Variants in MPP2 observed in about 807,000 individuals in gnomAD.
MPP2 encodes the protein MAGUK p55 subfamily member 2.
MPP2 carries 42 observed loss-of-function variants against 58.5 expected under a neutral mutation model. The ratio of observed to expected loss-of-function variants is 0.72; its 90% confidence interval spans 0.56 to 0.93. MPP2 has a LOEUF of 0.93. Ranked by LOEUF, MPP2 falls within the 40% of genes least tolerant of loss-of-function variation. The pLI is 0.00. For synonymous variants in MPP2, 300 were observed against 307.8 expected, an observed-to-expected ratio of 0.97 and a Z score of 0.26; for missense variants, 632 against 760.4, an observed-to-expected ratio of 0.83 and a Z score of 1.99.
upstream of MPP2, chr17:43,907,588 G>C (rs1312627438): frequency 1.5e-5 from 15 of 985,418 alleles, no homozygotes; most frequent in Non-Finnish European, 1.7e-5. Flanking sequence ...CTCCGCGAGG[G>C]GGCGGAGGTC....
intron 3 of MPP2, among the ~76,000 whole-genome samples, chr17:43,888,122 G>A (rs2047448933): frequency 6.6e-6 from 1 of 152,206 alleles, no homozygotes; most frequent in African/African-American, 2.4e-5. Flanking sequence ...TAAGACTGCT[G>A]TGAGGATTTG....
chr17:43,883,949 A>T, intron 3 of MPP2: 1 of 574,860 alleles, frequency 1.7e-6, no homozygotes, highest in South Asian at 2.4e-5. Context: ...ATCCTTCGCC[A>T]GTGACCAGCC....
chr17:43,907,793 T>A (rs2048352274), upstream of MPP2: 1 of 985,276 alleles, frequency 1.0e-6, no homozygotes, highest in Non-Finnish European at 1.2e-6. Context: ...GCCCCTCGGC[T>A]CCCAAGGATC....
At chr17:43,899,959 T>A (rs1367932578) in intron 2 of MPP2, among the ~76,000 whole-genome samples, 1 of 152,104 alleles carries the variant, frequency 6.6e-6, no homozygotes, top group African/African-American at 2.4e-5. Flanking sequence ...TGCATAACAG[T>A]ACCCAAGCCA....
At position 43,882,293 on chromosome 17, in the gene MPP2, C is replaced by A; in HGVS notation, c.672G>T (p.Leu224=). 6.2e-7 allele frequency: 1 copy of A among 1,610,266 alleles called. No homozygotes were observed. Among genetic ancestry groups the A allele is most frequent in the South Asian group, 1.1e-5 (1 of 91,060 alleles). ...KILPSYQEPH[L]PRQVFVKCHF... ...TGGGTGAGGGGCCCACCTGGCGGGG[C>A]AGATGGGGCTCCTGGTAGCTGGGCA... Residue 224 remains leucine (L), a synonymous_variant, in exon 6 of 13, where the codon CTG becomes CTT. Transcript: ENST00000269095.
chr17:43,885,122 CAAAAA>C (rs540949072), intron 3 of MPP2, among the ~76,000 whole-genome samples: 2 of 60,514 alleles, frequency 3.3e-5, no homozygotes, highest in Admixed American at 1.7e-4. Flanking sequence ...AACTCCAGCT[CAAAAA>C]AAAAAAAAAA....
intron 3 of MPP2, among the ~76,000 whole-genome samples, chr17:43,894,418 AATATAT>A (rs1382579250): frequency 3.9e-5 from 3 of 77,394 alleles, no homozygotes. Context: ...TCCATCTCAA[AATATAT>A]ATATATATAT....
intron 3 of MPP2, among the ~76,000 whole-genome samples, chr17:43,894,226 G>A (rs925461213): frequency 4.6e-5 from 7 of 151,670 alleles, no homozygotes; most frequent in African/African-American, 1.7e-4. Flanking sequence ...AGACCATCCT[G>A]GCCAACATGG....
At chr17:43,900,598 C>A (rs1261030454) in intron 2 of MPP2, 1 of 1,492,484 alleles carries the variant, frequency 6.7e-7, no homozygotes. Flanking sequence ...TACACGCCGC[C>A]GTCTACCGCC....
chr17:43,889,742 C>T (rs1441617350), intron 3 of MPP2, among the ~76,000 whole-genome samples: 2 of 150,860 alleles, frequency 1.3e-5, no homozygotes, highest in African/African-American at 4.9e-5. Flanking sequence ...ATGTATTCTA[C>T]ATACTTCTGA....
In MPP2 at chr17:43,879,267, G is replaced by A. The variant is rs2046988387; in HGVS notation, c.1482+8C>T. On this transcript the variant is annotated splice_region_variant and intron_variant, in intron 12 of 12. Coordinates refer to ENST00000269095, the MANE Select transcript of MPP2 (RefSeq NM_005374.5). This position sits in a 1 kb window ranked among gnomAD's most constrained non-coding sequence, Gnocchi z 4.1. ...TCAGACCCCTCCCCCACACCTCAGAGCCCTCACCGTGAGCTGCTTGGTGGA... is the reference window on the plus strand; with the variant it reads ...TCAGACCCCTCCCCCACACCTCAGAACCCTCACCGTGAGCTGCTTGGTGGA... 1.2e-6 allele frequency: 2 copies of A among 1,606,668 alleles called. No individual in the cohort carries two copies. Among genetic ancestry groups the A allele is most frequent in the Admixed American group, 1.7e-5 (1 of 59,796 alleles).
rs2143529578 is a variant in MPP2 at position 43,880,092 on chromosome 17, C to T, written c.1151-108G>A. The T allele has an allele frequency of 2.0e-6, 2 of 1,023,086 alleles. No individual in the cohort carries two copies. The highest frequency in any genetic ancestry group is 2.9e-6 in the Non-Finnish European group (2 of 687,200). 63.4% of individuals were successfully genotyped at this position (1,023,086 alleles called of 1,614,324 possible). ...CCCCCGTTTCCCAGCCTTGGAGGTG[C>T]AGTCTGCTCCCCATCTTGCCAGCAC... On this transcript the variant is annotated intron_variant, in intron 10 of 12. Coordinates refer to ENST00000269095, the MANE Select transcript of MPP2 (RefSeq NM_005374.5). The surrounding 1 kb of genome is among the most constrained non-coding windows in gnomAD (Gnocchi z 5.2).
At position 43,898,280 on chromosome 17, in the gene MPP2, T is replaced by C. The variant is rs1269864356; in HGVS notation, c.132A>G (p.Ile44Met). 22 of 1,614,012 alleles carry C rather than the reference T, an allele frequency of 1.4e-5. No homozygotes were observed. The highest frequency in any genetic ancestry group is 3.3e-5 in the Admixed American group (2 of 60,008). ...ACTGTACCTTGGCCAGGGATCTTAC[T>C]ATGGGACTTTCCATAATGCCTCGAA... ...IFLRGIMESPIVRSLAKAHER... is the reference protein window; with the variant it reads ...IFLRGIMESPMVRSLAKAHER... Residue 44 changes from isoleucine to methionine, a missense_variant, in exon 3 of 13, where the codon ATA becomes ATG. Coordinates refer to ENST00000269095, the MANE Select transcript of MPP2 (RefSeq NM_005374.5).
Position 43,880,877 on chromosome 17 carries a change from T to C in MPP2, c.989-25A>G. 1 of 1,582,452 alleles carries C rather than the reference T, an allele frequency of 6.3e-7. No homozygotes were observed. Among genetic ancestry groups the C allele is most frequent in the Non-Finnish European group, 8.6e-7 (1 of 1,161,518 alleles). On this transcript the variant is annotated intron_variant, in intron 9 of 12. Transcript: ENST00000269095. The surrounding 1 kb of genome is among the most constrained non-coding windows in gnomAD (Gnocchi z 5.2). ...TCTGGACACAGGGAGATGGCGCTGC[T>C]CACCAGGCTGCACGGTGAGGGAGGG...
chr17:43,879,531 TCTGGGACATGAGTC>T lies in MPP2; in HGVS notation c.1354-142_1354-129del. ...TGGATGAGAAAAGGGTGCCCGGGGG[TCTGGGACATGAGTC>T]CTGGGACAAATGACAAACAGCTGGC... is the stretch of plus-strand genomic sequence containing the variant. On this transcript the variant is annotated intron_variant, in intron 11 of 12. Transcript: ENST00000269095. This position sits in a 1 kb window ranked among gnomAD's most constrained non-coding sequence, Gnocchi z 4.1. 8.2e-6 allele frequency: 10 copies of T among 1,223,190 alleles called. 1 individual carries two copies. In the South Asian group the frequency reaches 9.7e-5, roughly 12 times the overall value. 75.8% of individuals were successfully genotyped at this position (1,223,190 alleles called of 1,614,324 possible).
chr17:43,879,119 A>C lies in MPP2; in HGVS notation c.1482+156T>G, dbSNP rs1189115424. ...CTTCCTCTCTCAGACCTCCCCTTCC[A>C]CATCTATGCAGGGGGGACCACGTCC... On this transcript the variant is annotated intron_variant, in intron 12 of 12. Coordinates refer to ENST00000269095, the MANE Select transcript of MPP2 (RefSeq NM_005374.5). This position sits in a 1 kb window ranked among gnomAD's most constrained non-coding sequence, Gnocchi z 4.1. Among the ~76,000 whole-genome samples, 3 of 151,894 alleles carry C rather than the reference A, an allele frequency of 2.0e-5. No individual in the cohort carries two copies. The East Asian group carries it at 5.8e-4, about 29-fold the overall frequency.
Position 43,879,495 on chromosome 17 carries a change from G to T in MPP2, c.1354-92C>A, listed in dbSNP as rs2047003320. On this transcript the variant is annotated intron_variant, in intron 11 of 12. Coordinates refer to ENST00000269095, the MANE Select transcript of MPP2 (RefSeq NM_005374.5). The surrounding 1 kb of genome is among the most constrained non-coding windows in gnomAD (Gnocchi z 4.1). ...GTGAGGGTAACTGGGGTTGGGGTGA[G>T]CACTTGGGAGTGGATGAGAAAAGGG... The T allele has an allele frequency of 2.0e-6, 3 of 1,521,222 alleles. No homozygotes were observed. The South Asian group carries it at 3.6e-5, about 18-fold the overall frequency. 94.2% of individuals were successfully genotyped at this position (1,521,222 alleles called of 1,614,324 possible). A position where few individuals can be genotyped will look rare whatever the true frequency, so the allele number is the denominator to read the frequency against.
intron 12 of MPP2, among the ~76,000 whole-genome samples, chr17:43,878,362 C>T (rs2143503123): frequency 6.6e-6 from 1 of 152,318 alleles, no homozygotes; most frequent in Middle Eastern, 3.4e-3. Context: ...CAAGCCAGTG[C>T]TCCCTCAAGT....
chr17:43,906,976 G>A (rs945579358), intron 1 of MPP2, among the ~76,000 whole-genome samples: 5 of 152,166 alleles, frequency 3.3e-5, no homozygotes, highest in African/African-American at 9.6e-5. Context: ...TACAGCTTGG[G>A]AAGCGGGAGA....
Sources: gnomAD v4.1 joint callset for allele counts (sites outside exome capture counted in the v4.1 genomes callset) on GRCh38, gnomAD v4.1.1 for gene constraint, Gnocchi (gnomAD v3.1) non-coding constraint, MANE v1.5 for transcripts, NCBI Gene and HGNC (gene_info 2026-07-23, HGNC 2026-07-21) for gene names.